RPS6KC1: variants seen among roughly 807,000 people sequenced by gnomAD.
RPS6KC1 encodes inactive ribosomal protein S6 kinase delta-1.
Under a neutral mutation model 103.8 loss-of-function variants are expected in RPS6KC1, and 54 were observed. The observed-to-expected ratio is 0.52, with a 90% CI of 0.42 to 0.65. The LOEUF is 0.65. Among genes scored for constraint, RPS6KC1 ranks in the 30% least tolerant of loss-of-function variants. The pLI, the probability that RPS6KC1 is intolerant of heterozygous loss-of-function variation, is 0.00. For missense variants in RPS6KC1, 1,151 were observed against 1,253.8 expected (o/e 0.92, Z 1.24); for synonymous variants, 439 against 438.7 (o/e 1.00, Z -0.01).
At chr1:213,152,502 A>G in intron 6 of RPS6KC1, among the ~76,000 whole-genome samples, 1 of 144,390 alleles carries the variant, frequency 6.9e-6, no homozygotes, top group East Asian at 2.1e-4. Flanking sequence ...TGCCGGGCGG[A>G]GGGGCTCCTC....
At chr1:213,553,119 C>A in the RPS6KC1 span, among the ~76,000 whole-genome samples, 1 of 151,978 alleles carries the variant, frequency 6.6e-6, no homozygotes, top group South Asian at 2.1e-4. Context: ...AGGTAATCAG[C>A]CTAATACCTG....
the RPS6KC1 span, chr1:213,819,733 C>T: frequency 6.6e-6 from 1 of 152,196 alleles, no homozygotes; most frequent in Non-Finnish European, 1.5e-5. Context: ...ATTAGCACGA[C>T]AGCTGCTGTT....
the RPS6KC1 span, among the ~76,000 whole-genome samples, chr1:213,480,578 A>T: frequency 6.6e-6 from 1 of 152,106 alleles, no homozygotes; most frequent in Admixed American, 6.5e-5. Flanking sequence ...TAATATCAGG[A>T]TACAATTATA....
chr1:213,587,248 A>G, the RPS6KC1 span, among the ~76,000 whole-genome samples: 6 of 152,168 alleles, frequency 3.9e-5, no homozygotes, highest in South Asian at 4.2e-4. Flanking sequence ...GGTGGGGGCC[A>G]GAGACCCAAA....
the RPS6KC1 span, among the ~76,000 whole-genome samples, chr1:213,854,121 C>G: frequency 6.6e-6 from 1 of 152,300 alleles, no homozygotes; most frequent in East Asian, 1.9e-4. Context: ...CCCTGTTAGT[C>G]TCTGCAGGAT....
chr1:213,789,901 G>A, the RPS6KC1 span, among the ~76,000 whole-genome samples: 1 of 151,920 alleles, frequency 6.6e-6, no homozygotes, highest in Admixed American at 6.6e-5. Context: ...TATTAAATAA[G>A]TGTTGTGTTC....
At chr1:213,201,603 T>C (rs2093166142) in intron 8 of RPS6KC1, among the ~76,000 whole-genome samples, 1 of 152,208 alleles carries the variant, frequency 6.6e-6, no homozygotes, top group Admixed American at 6.5e-5. Context: ...TAATGAGTCA[T>C]TGGTGTAGGT....
the RPS6KC1 span, among the ~76,000 whole-genome samples, chr1:213,293,216 C>T: frequency 6.6e-6 from 1 of 152,200 alleles, no homozygotes; most frequent in Non-Finnish European, 1.5e-5. Flanking sequence ...TTAAAAACCA[C>T]TTTAATTGGT....
At chr1:213,574,691 C>T in the RPS6KC1 span, among the ~76,000 whole-genome samples, 1 of 152,172 alleles carries the variant, frequency 6.6e-6, no homozygotes, top group African/African-American at 2.4e-5. Context: ...CATCTCCCTG[C>T]TCATGATGTG....
At chr1:213,197,523 AGTATGTATGTAT>A (rs3056229) in intron 8 of RPS6KC1, among the ~76,000 whole-genome samples, 54 of 150,644 alleles carry the variant, frequency 3.6e-4, no homozygotes, top group Middle Eastern at 3.4e-3. Context: ...TGTATTCCTA[AGTATGTATGTAT>A]GTATGTATGT....
the RPS6KC1 span, among the ~76,000 whole-genome samples, chr1:213,582,810 G>A: frequency 2.0e-5 from 3 of 152,282 alleles, no homozygotes; most frequent in African/African-American, 4.8e-5. Flanking sequence ...TAAATGCACT[G>A]TTTGATGGGT....
In RPS6KC1 at chr1:213,210,337, A is replaced by T. The variant is rs980885954; in HGVS notation, c.1045-20160A>T. Among the ~76,000 whole-genome samples, 15 of 152,320 alleles carry T rather than the reference A, an allele frequency of 9.8e-5. 1 individual carries two copies. The highest frequency in any genetic ancestry group is 8.5e-4 in the Admixed American group (13 of 15,298). On this transcript the variant is annotated intron_variant, in intron 8 of 14. Coordinates refer to ENST00000366960, the MANE Select transcript of RPS6KC1 (RefSeq NM_012424.6). ...TGTACTTGACCAAGTATACTTGTTG[A>T]GTAAGTTTGAAGGTAACAAAAAGAG...
the RPS6KC1 span, among the ~76,000 whole-genome samples, chr1:213,538,952 A>G: frequency 2.0e-5 from 3 of 152,208 alleles, no homozygotes; most frequent in Admixed American, 1.3e-4. Flanking sequence ...TGGAGCCAGG[A>G]CAGATATTAT....
chr1:213,573,465 A>G, the RPS6KC1 span, among the ~76,000 whole-genome samples: 3 of 152,208 alleles, frequency 2.0e-5, no homozygotes, highest in South Asian at 6.2e-4. Flanking sequence ...GGCTGTTTAT[A>G]CAGTGCTGTG....
chr1:213,636,060 A>G, the RPS6KC1 span, among the ~76,000 whole-genome samples: 1 of 152,336 alleles, frequency 6.6e-6, no homozygotes, highest in African/African-American at 2.4e-5. Context: ...ACAATTTACA[A>G]GGGGTGTGAA....
chr1:213,687,392 C>T, the RPS6KC1 span, among the ~76,000 whole-genome samples: 7 of 152,024 alleles, frequency 4.6e-5, no homozygotes, highest in African/African-American at 1.4e-4. Context: ...AAGCTCTTCC[C>T]GTCTAGTATA....
At chr1:213,827,890 A>AT in the RPS6KC1 span, among the ~76,000 whole-genome samples, 2 of 151,998 alleles carry the variant, frequency 1.3e-5, no homozygotes, top group African/African-American at 4.8e-5. Flanking sequence ...CAATATTTTT[A>AT]TTTTTACTGG....
At chr1:213,559,377 T>C in the RPS6KC1 span, among the ~76,000 whole-genome samples, 1 of 152,216 alleles carries the variant, frequency 6.6e-6, no homozygotes, top group African/African-American at 2.4e-5. Context: ...CCTGTGTTAG[T>C]ATCTTATTAT....
At chr1:213,828,367 A>G in the RPS6KC1 span, among the ~76,000 whole-genome samples, 1 of 152,236 alleles carries the variant, frequency 6.6e-6, no homozygotes, top group Non-Finnish European at 1.5e-5. Context: ...TGGATTTCCC[A>G]TTAAAGCAAT....
Sources: gnomAD v4.1 joint callset for allele counts (sites outside exome capture counted in the v4.1 genomes callset) on GRCh38, gnomAD v4.1.1 for gene constraint, MANE v1.5 for transcripts, NCBI Gene and HGNC (gene_info 2026-07-23, HGNC 2026-07-21) for gene names.